Variants in BMPR1B observed in about 807,000 individuals in gnomAD.
BMPR1B encodes the protein bone morphogenetic protein receptor type-1B.
Under a neutral mutation model 59.1 loss-of-function variants are expected in BMPR1B, and 12 were observed. That is an observed-to-expected ratio of 0.20 (90% CI 0.13 to 0.33). BMPR1B has a LOEUF of 0.33. Ranked by LOEUF, BMPR1B falls within the 10% of genes least tolerant of loss-of-function variation. The pLI is 1.00. For missense variants in BMPR1B, 550 were observed against 610.9 expected (o/e 0.90, Z 1.05); for synonymous variants, 237 against 207.3 (o/e 1.14, Z -1.23).
Position 95,104,396 on chromosome 4 carries a change from T to G in BMPR1B, c.-17-12T>G. The G allele has an allele frequency of 1.2e-6, 2 of 1,612,574 alleles. No homozygotes were observed. Among genetic ancestry groups the G allele is most frequent in the Non-Finnish European group, 1.7e-6 (2 of 1,179,148 alleles). On this transcript the variant is annotated splice_polypyrimidine_tract_variant and intron_variant, in intron 3 of 12. Transcript: ENST00000515059. Reference sequence around the variant, plus strand: ...CCCACAGATGCCTAACTCTCACTATTTCTTCTTTCAGCAAACTTCCTTGAT... The same window carrying G: ...CCCACAGATGCCTAACTCTCACTATGTCTTCTTTCAGCAAACTTCCTTGAT...
At chr4:95,042,428 A>AAC (rs1725725348) in intron 3 of BMPR1B, among the ~76,000 whole-genome samples, 2 of 152,202 alleles carry the variant, frequency 1.3e-5, no homozygotes, top group Non-Finnish European at 2.9e-5. Flanking sequence ...TGCAAAAAAA[A>AAC]TTTTAAAATA....
chr4:94,780,543 G>T (rs1237376774), intron 1 of BMPR1B, among the ~76,000 whole-genome samples: 1 of 152,046 alleles, frequency 6.6e-6, no homozygotes, highest in Admixed American at 6.6e-5. Flanking sequence ...CCTAGGAGTG[G>T]AGTTGGTGGG....
intron 3 of BMPR1B, among the ~76,000 whole-genome samples, chr4:95,056,848 C>G (rs1726968690): frequency 6.6e-6 from 1 of 152,214 alleles, no homozygotes. Context: ...AGGTACTTCA[C>G]ATATACTGTT....
intron 1 of BMPR1B, among the ~76,000 whole-genome samples, chr4:94,843,749 A>G (rs1725196518): frequency 6.6e-6 from 1 of 152,122 alleles, no homozygotes; most frequent in South Asian, 2.1e-4. Context: ...TTATTTTGAT[A>G]AGCAATAATG....
At chr4:94,873,531 C>CA (rs1328490792) in intron 1 of BMPR1B, among the ~76,000 whole-genome samples, 7 of 151,964 alleles carry the variant, frequency 4.6e-5, no homozygotes, top group Admixed American at 1.3e-4. Flanking sequence ...CACAGCCTCC[C>CA]AAGTAGCTGG....
intron 2 of BMPR1B, among the ~76,000 whole-genome samples, chr4:94,951,028 A>T (rs1729913289): frequency 6.6e-6 from 1 of 151,994 alleles, no homozygotes; most frequent in African/African-American, 2.4e-5. Context: ...TAGGTATTTT[A>T]TTCCCTTTGT....
chr4:94,848,135 T>G (rs367887616), intron 1 of BMPR1B, among the ~76,000 whole-genome samples: 153 of 152,234 alleles, frequency 1.0e-3, no homozygotes, highest in African/African-American at 3.5e-3. Context: ...AGGTGTAGTA[T>G]TGGTAAGTAA....
intron 1 of BMPR1B, among the ~76,000 whole-genome samples, chr4:94,822,588 A>ATCT (rs1724246583): frequency 6.6e-6 from 1 of 152,166 alleles, no homozygotes. Context: ...TTCTCTTAAG[A>ATCT]TGAGACTTGA....
At chr4:94,992,130 T>G (rs1178528697) in intron 2 of BMPR1B, among the ~76,000 whole-genome samples, 1 of 152,216 alleles carries the variant, frequency 6.6e-6, no homozygotes, top group Non-Finnish European at 1.5e-5. Context: ...GCTTGACTCT[T>G]CATGTATTCC....
intron 2 of BMPR1B, among the ~76,000 whole-genome samples, chr4:94,944,385 G>A (rs1729628689): frequency 1.3e-5 from 2 of 152,040 alleles, no homozygotes; most frequent in Admixed American, 6.6e-5. Flanking sequence ...CTTCTGATCC[G>A]GGATGAAACT....
chr4:94,838,680 A>G (rs1343953314), intron 1 of BMPR1B, among the ~76,000 whole-genome samples: 3 of 140,628 alleles, frequency 2.1e-5, no homozygotes, highest in African/African-American at 5.4e-5. Flanking sequence ...CTAGCGGTCT[A>G]TCAATTTTGT....
intron 2 of BMPR1B, among the ~76,000 whole-genome samples, chr4:94,954,320 C>G (rs1730061500): frequency 6.6e-6 from 1 of 152,174 alleles, no homozygotes; most frequent in Non-Finnish European, 1.5e-5. Context: ...ATTTTCTACT[C>G]ATATACTTCA....
chr4:94,885,449 A>G (rs1727136917), intron 2 of BMPR1B, among the ~76,000 whole-genome samples: 1 of 152,196 alleles, frequency 6.6e-6, no homozygotes, highest in African/African-American at 2.4e-5. Context: ...ACATTTTCCT[A>G]TTCTGATTTG....
chr4:94,867,007 G>A (rs1726274040), intron 1 of BMPR1B, among the ~76,000 whole-genome samples: 1 of 152,134 alleles, frequency 6.6e-6, no homozygotes, highest in South Asian at 2.1e-4. Context: ...GTATCCAGTA[G>A]GGCCCCATAT....
intron 2 of BMPR1B, among the ~76,000 whole-genome samples, chr4:94,977,108 C>T (rs556670291): frequency 6.6e-6 from 1 of 152,062 alleles, no homozygotes; most frequent in Non-Finnish European, 1.5e-5. Flanking sequence ...ATAATCTACC[C>T]CATTAGCAAA....
chr4:94,894,553 CTTATT>C (rs149184664), intron 2 of BMPR1B, among the ~76,000 whole-genome samples: 165 of 151,724 alleles, frequency 1.1e-3, no homozygotes, highest in African/African-American at 3.5e-3. Flanking sequence ...ACATTTTTTC[CTTATT>C]TTATTTTAAA....
At chr4:95,083,149 AG>A (rs1310562698) in intron 3 of BMPR1B, among the ~76,000 whole-genome samples, 2 of 151,790 alleles carry the variant, frequency 1.3e-5, no homozygotes, top group Non-Finnish European at 2.9e-5. Context: ...CAGGGCATGC[AG>A]GTACAACAAT....
At chr4:94,986,024 G>C (rs572074445) in intron 2 of BMPR1B, among the ~76,000 whole-genome samples, 3 of 151,952 alleles carry the variant, frequency 2.0e-5, no homozygotes, top group Non-Finnish European at 2.9e-5. Context: ...TTCTCTACTG[G>C]TGTTAAGTAT....
At chr4:94,821,019 A>G (rs905607782) in intron 1 of BMPR1B, among the ~76,000 whole-genome samples, 4 of 152,188 alleles carry the variant, frequency 2.6e-5, no homozygotes, top group East Asian at 3.8e-4. Context: ...TAGAAGCTTT[A>G]AAAGAATCTG....
Sources: gnomAD v4.1 joint callset for allele counts (sites outside exome capture counted in the v4.1 genomes callset) on GRCh38, gnomAD v4.1.1 for gene constraint, MANE v1.5 for transcripts, NCBI Gene and HGNC (gene_info 2026-07-23, HGNC 2026-07-21) for gene names.